The following MED12L variants were observed in gnomAD, a reference collection of about 807,000 sequenced individuals.
The protein encoded by MED12L is mediator complex subunit 12L.
In MED12L, 60 loss-of-function variants were observed where a neutral mutation model predicts 281.3. The observed-to-expected ratio is 0.21, with a 90% CI of 0.17 to 0.26. The LOEUF is 0.26. Ranked by LOEUF, MED12L falls within the 10% of genes least tolerant of loss-of-function variation. MED12L has a pLI of 1.00. For missense variants in MED12L, 2,146 were observed against 2,680.9 expected (o/e 0.80, Z 4.41); for synonymous variants, 974 against 987.2 (o/e 0.99, Z 0.25).
At chr3:151,137,723 G>T (rs1716361106) in intron 5 of MED12L, among the ~76,000 whole-genome samples, 1 of 152,064 alleles carries the variant, frequency 6.6e-6, no homozygotes, top group Admixed American at 6.5e-5. Context: ...TCTAGTAAAT[G>T]AACATGGTTA....
chr3:151,403,442 CTG>C, intron 39 of MED12L, among the ~76,000 whole-genome samples: 1 of 152,264 alleles, frequency 6.6e-6, no homozygotes, highest in Non-Finnish European at 1.5e-5. Flanking sequence ...ATAATGAAAA[CTG>C]TGGTTATGAA....
rs187749772 is a variant in MED12L, at chr3:151,345,702, G to A, written c.2251-4357G>A. Among the ~76,000 whole-genome samples, 52 of 151,844 alleles carry A rather than the reference G, an allele frequency of 3.4e-4. No individual in the cohort carries two copies. The East Asian group carries it at 8.3e-3, about 24-fold the overall frequency. On this transcript the variant is annotated intron_variant, in intron 16 of 44. Transcript: ENST00000687756. Reference sequence around the variant, plus strand: ...CTGGCTAGTTTTTGTATTTTTAGTAGAGATGGAGTTTTCCCATGTTGGCCA... The same window carrying A: ...CTGGCTAGTTTTTGTATTTTTAGTAAAGATGGAGTTTTCCCATGTTGGCCA...
chr3:151,224,640 C>G (rs1730113549), intron 16 of MED12L, among the ~76,000 whole-genome samples: 1 of 152,214 alleles, frequency 6.6e-6, no homozygotes, highest in South Asian at 2.1e-4. Flanking sequence ...ATCTCACTTT[C>G]TTCTTCACCC....
intron 16 of MED12L, among the ~76,000 whole-genome samples, chr3:151,311,930 A>G (rs1036693075): frequency 2.6e-5 from 4 of 152,152 alleles, no homozygotes; most frequent in Admixed American, 1.3e-4. Flanking sequence ...GAGCTGAGGC[A>G]GGAGAATTGT....
At chr3:151,426,886 C>T (rs949683472) in intron 43 of MED12L, among the ~76,000 whole-genome samples, 3 of 151,206 alleles carry the variant, frequency 2.0e-5, no homozygotes, top group Non-Finnish European at 4.4e-5. Flanking sequence ...GGTACGATCA[C>T]GGCTCACTGC....
intron 2 of MED12L, among the ~76,000 whole-genome samples, chr3:151,106,980 C>T (rs867062716): frequency 6.6e-6 from 1 of 151,956 alleles, no homozygotes; most frequent in Middle Eastern, 3.2e-3. Flanking sequence ...CTGACAATTC[C>T]AGTCTTCTAA....
chr3:151,389,515 C>T (rs945734120), intron 37 of MED12L, among the ~76,000 whole-genome samples: 5 of 152,128 alleles, frequency 3.3e-5, no homozygotes, highest in East Asian at 1.9e-4. Context: ...TTCTTTAGAA[C>T]GATGTCTGGA....
intron 39 of MED12L, among the ~76,000 whole-genome samples, chr3:151,402,921 T>C (rs747136341): frequency 2.6e-5 from 4 of 152,162 alleles, no homozygotes; most frequent in African/African-American, 7.2e-5. Flanking sequence ...CTGTCCCCTT[T>C]CTGTAGGACT....
At chr3:151,147,413 A>G (rs748860564) in intron 5 of MED12L, among the ~76,000 whole-genome samples, 1 of 152,224 alleles carries the variant, frequency 6.6e-6, no homozygotes, top group Non-Finnish European at 1.5e-5. Context: ...TTTAAAGTCT[A>G]CGGTCAGTGT....
intron 16 of MED12L, among the ~76,000 whole-genome samples, chr3:151,224,758 G>T (rs1453243245): frequency 6.6e-6 from 1 of 152,180 alleles, no homozygotes; most frequent in East Asian, 1.9e-4. Context: ...TAATTTCTAA[G>T]CCTGTTGTCT....
Position 151,360,124 on chromosome 3 carries a change from G to A in MED12L, c.2826-350G>A, listed in dbSNP as rs368199168. ...GAATCTTTGCACGCTGATGGAATTT[G>A]TGAATCTGCGGAGGCAGGGGCTCTC... On this transcript the variant is annotated intron_variant, in intron 20 of 44. Transcript: ENST00000687756. 2.6e-5 allele frequency among the ~76,000 whole-genome samples: 4 copies of A among 152,120 alleles called. No homozygotes were observed. The South Asian group carries it at 8.3e-4, about 31-fold the overall frequency.
At chr3:151,399,565 A>G (rs1715400435) in intron 39 of MED12L, among the ~76,000 whole-genome samples, 1 of 152,184 alleles carries the variant, frequency 6.6e-6, no homozygotes, top group Non-Finnish European at 1.5e-5. Context: ...ATACTGTGAT[A>G]CTTGAGAGAC....
At chr3:151,183,465 G>T (rs982829980) in intron 11 of MED12L, among the ~76,000 whole-genome samples, 2 of 152,242 alleles carry the variant, frequency 1.3e-5, no homozygotes, top group Non-Finnish European at 1.5e-5. Context: ...TGTGTGCTGT[G>T]TGTACACCGT....
chr3:151,158,803 T>G lies in MED12L; in HGVS notation c.837+4T>G. 1 of 1,586,214 alleles carries G rather than the reference T, an allele frequency of 6.3e-7. No homozygotes were observed. Among genetic ancestry groups the G allele is most frequent in the African/African-American group, 1.3e-5 (1 of 74,522 alleles). ...CTTGCTACCACTAATGCTGCAGGTA[T>G]AGTACATGTCCCCTTGAGGCAGTTG... On this transcript the variant is annotated splice_donor_region_variant and intron_variant, in intron 7 of 44. Coordinates refer to ENST00000687756, the MANE Select transcript of MED12L (RefSeq NM_001393769.1).
chr3:151,270,971 G>A (rs1399467010), intron 16 of MED12L, among the ~76,000 whole-genome samples: 1 of 151,328 alleles, frequency 6.6e-6, no homozygotes, highest in African/African-American at 2.4e-5. Flanking sequence ...AAGTGTACAA[G>A]TTGCTTTGTT....
At chr3:151,409,835 A>G (rs535201224) in intron 40 of MED12L, among the ~76,000 whole-genome samples, 53 of 152,124 alleles carry the variant, frequency 3.5e-4, no homozygotes, top group Non-Finnish European at 5.1e-4. Flanking sequence ...GCGTGGTGGC[A>G]TGCACCTATA....
chr3:151,394,942 T>C, intron 39 of MED12L, 75 bp downstream of exon 39: 1 of 1,584,978 alleles, frequency 6.3e-7, no homozygotes, highest in Non-Finnish European at 8.6e-7. Context: ...TTGGGATATG[T>C]AGCATATTCT....
rs1193896231 is a variant in MED12L at position 151,394,697 on chromosome 3, A to C, written c.5650A>C (p.Asn1884His). 6.2e-7 allele frequency: 1 copy of C among 1,614,294 alleles called. No homozygotes were observed. Among genetic ancestry groups the C allele is most frequent in the Non-Finnish European group, 8.5e-7 (1 of 1,180,054 alleles). ...LDPAGSFVPT[N>H]TKQALSNMLQ... ...CCCTGCAGGCTCCTTTGTCCCAACC[A>C]ACACCAAACAAGCTCTGTCAAACAT... The change falls in exon 39 of 45, where the codon AAC becomes CAC. Residue 1884 changes from asparagine to histidine, a missense_variant. Transcript: ENST00000687756.
rs1275577729 is a variant in MED12L, at chr3:151,256,863, G to GT, written c.2250+63208dup. ...AAATGACAGAGGTTTTTTTTTTGTT[G>GT]TTTTTTTTTTTAAATGGGTCATGGG... On this transcript the variant is annotated intron_variant, in intron 16 of 44. Coordinates refer to ENST00000687756, the MANE Select transcript of MED12L (RefSeq NM_001393769.1). Among the ~76,000 whole-genome samples, 281 of 98,230 alleles carry GT rather than the reference G, an allele frequency of 2.9e-3. 1 individual carries two copies. The highest frequency in any genetic ancestry group is 9.5e-3 in the East Asian group (34 of 3,590). 64.4% of individuals were successfully genotyped at this position (98,230 alleles called of 152,430 possible).
Sources: gnomAD v4.1 joint callset for allele counts (sites outside exome capture counted in the v4.1 genomes callset) on GRCh38, gnomAD v4.1.1 for gene constraint, MANE v1.5 for transcripts, NCBI Gene and HGNC (gene_info 2026-07-23, HGNC 2026-07-21) for gene names.